Variants in MAGI2 observed in about 807,000 individuals in gnomAD.
MAGI2 encodes the protein membrane-associated guanylate kinase, WW and PDZ domain-containing protein 2.
MAGI2 carries 35 observed loss-of-function variants against 133.3 expected under a neutral mutation model. That is an observed-to-expected ratio of 0.26 (90% CI 0.20 to 0.35). The LOEUF is 0.35. Ranked by LOEUF, MAGI2 falls within the 10% of genes least tolerant of loss-of-function variation. The pLI, the probability that MAGI2 is intolerant of heterozygous loss-of-function variation, is 1.00. For missense variants in MAGI2, 1,636 were observed against 1,863.4 expected, an observed-to-expected ratio of 0.88 and a Z score of 2.25; for synonymous variants, 729 against 710.6, an observed-to-expected ratio of 1.03 and a Z score of -0.41.
intron 3 of MAGI2, among the ~76,000 whole-genome samples, chr7:78,621,521 G>A (rs17151184): frequency 0.046 from 7,029 of 152,028 alleles, 231 homozygotes; most frequent in East Asian, 0.081. Context: ...TCATGGCCAA[G>A]TCCCCCAGGC....
At chr7:78,324,634 G>T (rs913761362) in intron 9 of MAGI2, among the ~76,000 whole-genome samples, 1 of 152,166 alleles carries the variant, frequency 6.6e-6, no homozygotes, top group African/African-American at 2.4e-5. Context: ...CCATTCCATT[G>T]TAAGGTAGCT....
chr7:78,177,737 T>A (rs1434082279), intron 14 of MAGI2, among the ~76,000 whole-genome samples: 1 of 152,138 alleles, frequency 6.6e-6, no homozygotes, highest in Non-Finnish European at 1.5e-5. Context: ...TGCAATTAGA[T>A]AACGAAAATA....
At chr7:78,467,604 A>T (rs1350055165) in intron 6 of MAGI2, among the ~76,000 whole-genome samples, 1 of 151,806 alleles carries the variant, frequency 6.6e-6, no homozygotes, top group African/African-American at 2.4e-5. Flanking sequence ...GAAAGAGTTG[A>T]ATTTGTCAAT....
intron 2 of MAGI2, among the ~76,000 whole-genome samples, chr7:78,793,137 A>G (rs1417065440): frequency 6.6e-6 from 1 of 152,156 alleles, no homozygotes; most frequent in East Asian, 1.9e-4. Flanking sequence ...TCCCTTTGCC[A>G]CTGTATCCAG....
At chr7:79,331,076 G>T (rs930826646) in intron 1 of MAGI2, among the ~76,000 whole-genome samples, 1 of 152,080 alleles carries the variant, frequency 6.6e-6, no homozygotes, top group Non-Finnish European at 1.5e-5. Context: ...AACTGGGAAT[G>T]GTTTGGCAGT....
intron 1 of MAGI2, among the ~76,000 whole-genome samples, chr7:79,244,094 C>T (rs1446867099): frequency 6.6e-6 from 1 of 152,154 alleles, no homozygotes; most frequent in African/African-American, 2.4e-5. Context: ...TGCACACTAA[C>T]CAATCATGCC....
chr7:78,728,545 T>TATATCTGAAAAAATGA (rs1483845832), intron 2 of MAGI2, among the ~76,000 whole-genome samples: 3 of 3,672 alleles, frequency 8.2e-4, no homozygotes, highest in Non-Finnish European at 1.8e-3. Flanking sequence ...CTGATCTTTT[T>TATATCTGAAAAAATGA]TTTTTTTTTT....
intron 3 of MAGI2, among the ~76,000 whole-genome samples, chr7:78,600,600 A>C (rs910729981): frequency 2.0e-5 from 3 of 152,190 alleles, no homozygotes; most frequent in African/African-American, 7.2e-5. Context: ...GCAAATAGAA[A>C]AATGAGGCAA....
chr7:79,150,978 A>C (rs1056708789), intron 1 of MAGI2, among the ~76,000 whole-genome samples: 7 of 152,106 alleles, frequency 4.6e-5, no homozygotes, highest in African/African-American at 1.7e-4. Context: ...AACTGGGCTC[A>C]CAGCGTTTTT....
Position 79,186,191 on chromosome 7 carries a change from AATATATAT to A in MAGI2, c.302-178993_302-178986del, listed in dbSNP as rs60719172. 2.2e-3 allele frequency among the ~76,000 whole-genome samples: 246 copies of A among 111,680 alleles called. 1 individual carries two copies. Among genetic ancestry groups the A allele is most frequent in the Admixed American group, 0.014 (150 of 10,846 alleles). The allele number at this position is 111,680 out of a possible 152,430, so 73.3% of individuals were successfully genotyped here. ...GAGGCCAGCCCTATTTGCCTGGGAA[AATATATAT>A]ATATATATATATATATATATATATA... On this transcript the variant is annotated intron_variant, in intron 1 of 21. Transcript: ENST00000354212.
At chr7:78,482,743 G>T (rs904220790) in intron 6 of MAGI2, among the ~76,000 whole-genome samples, 2 of 151,764 alleles carry the variant, frequency 1.3e-5, no homozygotes, top group African/African-American at 4.8e-5. Flanking sequence ...AAGGGTCAGG[G>T]ATTGGTCAGG....
chr7:79,055,280 C>T (rs1813047919), intron 1 of MAGI2, among the ~76,000 whole-genome samples: 1 of 122,632 alleles, frequency 8.2e-6, no homozygotes, highest in Admixed American at 8.1e-5. Context: ...TTTGTAAGGG[C>T]ATGCCTTTTT....
chr7:79,163,531 C>T (rs1381873096), intron 1 of MAGI2, among the ~76,000 whole-genome samples: 1 of 152,070 alleles, frequency 6.6e-6, no homozygotes, highest in Non-Finnish European at 1.5e-5. Context: ...TTTATAACCT[C>T]CTCAGGATGT....
rs548405479 is a variant in MAGI2 at position 78,748,529 on chromosome 7, C to A, written c.419-121290G>T. Among the ~76,000 whole-genome samples the A allele has an allele frequency of 2.6e-5, 4 of 152,288 alleles. 1 individual carries two copies. Among genetic ancestry groups the A allele is most frequent in the African/African-American group, 9.6e-5 (4 of 41,558 alleles). ...AAAAAGTGTAAAACCCAAGTGACAGCAAATCTACATTTACTGCTTGATATA... is the reference window on the plus strand; with the variant it reads ...AAAAAGTGTAAAACCCAAGTGACAGAAAATCTACATTTACTGCTTGATATA... On this transcript the variant is annotated intron_variant, in intron 2 of 21. Coordinates refer to ENST00000354212, the MANE Select transcript of MAGI2 (RefSeq NM_012301.4).
chr7:78,606,385 T>C (rs1027737004), intron 3 of MAGI2, among the ~76,000 whole-genome samples: 10 of 152,098 alleles, frequency 6.6e-5, no homozygotes, highest in Admixed American at 2.6e-4. Context: ...TATGATGGCC[T>C]ACTTTTGACA....
chr7:78,661,535 T>A (rs1812958356), intron 2 of MAGI2, among the ~76,000 whole-genome samples: 1 of 152,190 alleles, frequency 6.6e-6, no homozygotes, highest in African/African-American at 2.4e-5. Flanking sequence ...CTCCTTCACA[T>A]CAAGTCCACT....
chr7:78,226,239 T>C (rs77101673), intron 10 of MAGI2, among the ~76,000 whole-genome samples: 2,864 of 152,056 alleles, frequency 0.019, 86 homozygotes, highest in African/African-American at 0.064. Context: ...TCATAGATTC[T>C]GTGCGAATGG....
chr7:79,055,138 C>T (rs1423852346), intron 1 of MAGI2, among the ~76,000 whole-genome samples: 1 of 152,154 alleles, frequency 6.6e-6, no homozygotes, highest in Non-Finnish European at 1.5e-5. Flanking sequence ...CTGGACTACA[C>T]GTTGTTCCGA....
At chr7:78,575,370 A>T (rs978348603) in intron 3 of MAGI2, among the ~76,000 whole-genome samples, 45 of 152,184 alleles carry the variant, frequency 3.0e-4, no homozygotes, top group African/African-American at 1.0e-3. Context: ...GGTAGAATAG[A>T]AAAATCTCCC....
Sources: allele counts gnomAD v4.1 joint callset (sites outside exome capture counted in the v4.1 genomes callset), GRCh38; gene constraint gnomAD v4.1.1; transcripts MANE v1.5; gene names NCBI Gene and HGNC (gene_info 2026-07-23, HGNC 2026-07-21).